Variants in ZNF324B observed in about 807,000 individuals in gnomAD.
ZNF324B encodes the protein zinc finger protein 324B.
ZNF324B carries 7 observed loss-of-function variants against 10.6 expected under a neutral mutation model. The ratio of observed to expected loss-of-function variants is 0.66; its 90% confidence interval spans 0.38 to 1.24. ZNF324B has a LOEUF of 1.24. Among genes scored for constraint, ZNF324B ranks in the 50% most tolerant of loss-of-function variants. The pLI, the probability that ZNF324B is intolerant of heterozygous loss-of-function variation, is 0.02. For missense variants in ZNF324B, 640 were observed against 764.7 expected (o/e 0.84, Z 1.92); for synonymous variants, 316 against 321.0 (o/e 0.98, Z 0.17).
chr19:58,438,281 A>C, the ZNF324B span, among the ~76,000 whole-genome samples: 23 of 152,130 alleles, frequency 1.5e-4, no homozygotes, highest in African/African-American at 5.6e-4. Flanking sequence ...ACACACAAGC[A>C]TCCATCCCTT....
In ZNF324B at chr19:58,455,398, C is replaced by A. The variant is rs755922603; in HGVS notation, c.454C>A (p.Arg152Ser). ...IYWERLLLGS[R>S]SDQASISLRL... The stretch of plus-strand genomic sequence containing the variant: ...CTGGGAGAGGCTCCTGCTAGGCTCG[C>A]GCAGTGACCAGGCCAGCATCAGCCT... Residue 152 changes from arginine to serine, a missense_variant, in exon 4 of 4, where the codon CGC becomes AGC. By Grantham distance (110) the Arg-to-Ser change is moderately radical. Transcript: ENST00000336614. The surrounding 1 kb of genome is among the most constrained non-coding windows in gnomAD (Gnocchi z 7.0). 1 of 1,614,080 alleles carries A rather than the reference C, an allele frequency of 6.2e-7. No individual in the cohort carries two copies. Among genetic ancestry groups the A allele is most frequent in the African/African-American group, 1.3e-5 (1 of 74,942 alleles).
chr19:58,443,087 G>C, the ZNF324B span: 7 of 152,330 alleles, frequency 4.6e-5, no homozygotes, highest in South Asian at 6.2e-4. Context: ...TGATTGGTGA[G>C]TTTACAAACC....
the ZNF324B span, chr19:58,434,722 C>G: frequency 6.2e-7 from 1 of 1,614,190 alleles, no homozygotes; most frequent in Non-Finnish European, 8.5e-7. Flanking sequence ...GGCTTTTCCA[C>G]AGTTGCTGCA....
chr19:58,446,932 GCTTTC>G (rs1333504405), upstream of ZNF324B, among the ~76,000 whole-genome samples: 1 of 148,778 alleles, frequency 6.7e-6, no homozygotes, highest in Admixed American at 6.7e-5. Context: ...CCTTTCCTTT[GCTTTC>G]CTTTCCTTTT....
At chr19:58,454,029 G>A (rs1361219408) in intron 2 of ZNF324B, among the ~76,000 whole-genome samples, 199 bp from the exon 3 acceptor site, 4 of 152,204 alleles carry the variant, frequency 2.6e-5, no homozygotes, top group African/African-American at 7.2e-5. Context: ...GCTCAGTCCC[G>A]TTGCTTTGGT....
At chr19:58,433,429 C>T in the ZNF324B span, 53 of 1,613,894 alleles carry the variant, frequency 3.3e-5, no homozygotes, top group Middle Eastern at 1.6e-4. Context: ...TTTCTGGTGC[C>T]GAACAAGTGT....
the ZNF324B span, among the ~76,000 whole-genome samples, chr19:58,427,343 C>T: frequency 4.3e-5 from 1 of 23,066 alleles, no homozygotes; most frequent in African/African-American, 1.5e-4. Context: ...TTCTTTCTTT[C>T]TCTTTCCTTT....
chr19:58,436,932 G>A, the ZNF324B span: 1 of 1,458,422 alleles, frequency 6.9e-7, no homozygotes, highest in Non-Finnish European at 9.6e-7. Flanking sequence ...ACCTACAACA[G>A]GAAACCCGAG....
the ZNF324B span, chr19:58,444,559 G>T: frequency 6.6e-6 from 1 of 152,190 alleles, no homozygotes; most frequent in African/African-American, 2.4e-5. Flanking sequence ...AGGAGTATGG[G>T]CATAGGTGTC....
chr19:58,456,453 C>T lies in ZNF324B; in HGVS notation c.1509C>T (p.His503=), dbSNP rs762493021. 23 of 1,613,968 alleles carry T rather than the reference C, an allele frequency of 1.4e-5. No individual in the cohort carries two copies. In the Middle Eastern group the frequency reaches 4.9e-4, roughly 35 times the overall value. Residue 503 remains histidine (H), a synonymous_variant, in exon 4 of 4, where the codon CAC becomes CAT. Coordinates refer to ENST00000336614, the MANE Select transcript of ZNF324B (RefSeq NM_207395.3). The surrounding 1 kb of genome is among the most constrained non-coding windows in gnomAD (Gnocchi z 4.7). The stretch of plus-strand genomic sequence containing the variant: ...CCCTCTTGCACCACCAGAGGATCCA[C>T]ACCACAGAGAAGACCAATGCCGCAG... ...RPALLHHQRI[H]TTEKTNAAAP... is the part of the protein sequence containing the mutation.
At chr19:58,449,399 G>A (rs2122331239), upstream of ZNF324B, among the ~76,000 whole-genome samples, 1 of 152,354 alleles carries the variant, frequency 6.6e-6, no homozygotes, top group Middle Eastern at 3.4e-3. Flanking sequence ...CTGGGGTACT[G>A]CCTAGTGGAG....
Position 58,455,658 on chromosome 19 carries a change from G to A in ZNF324B, c.714G>A (p.Gln238=), listed in dbSNP as rs976701381. 6 of 1,613,658 alleles carry A rather than the reference G, an allele frequency of 3.7e-6. No homozygotes were observed. Among genetic ancestry groups the A allele is most frequent in the Non-Finnish European group, 5.1e-6 (6 of 1,179,902 alleles). The change falls in exon 4 of 4, where the codon CAG becomes CAA. Residue 238 remains glutamine (Q), a synonymous_variant. Transcript: ENST00000336614. The surrounding 1 kb of genome is among the most constrained non-coding windows in gnomAD (Gnocchi z 7.0). ...AGCCTCATAGACTCCTCGGTGGCCA[G>A]GAGCCCTCGACCTGGGACGAGCTGG... ...WQEPHRLLGG[Q]EPSTWDELGE...
chr19:58,434,684 G>A, the ZNF324B span: 1 of 1,614,216 alleles, frequency 6.2e-7, no homozygotes, highest in Non-Finnish European at 8.5e-7. Flanking sequence ...GTTCTCAGAT[G>A]GTTGGGGAGA....
chr19:58,434,817 C>G, the ZNF324B span: 1 of 1,614,212 alleles, frequency 6.2e-7, no homozygotes, highest in Non-Finnish European at 8.5e-7. Flanking sequence ...CAGCTTGAAG[C>G]TGGAGGAGGT....
At chr19:58,439,772 A>G in the ZNF324B span, 1 of 1,544,792 alleles carries the variant, frequency 6.5e-7, no homozygotes, top group Non-Finnish European at 8.7e-7. Context: ...CGCCGGGCCC[A>G]TCAGCAACGC....
intron 1 of ZNF324B, chr19:58,453,317 C>T: frequency 3.4e-6 from 1 of 296,466 alleles, no homozygotes; most frequent in South Asian, 3.1e-5. Flanking sequence ...GGGGGGTCCA[C>T]AGCTGGGACT....
At chr19:58,420,294 C>T in the ZNF324B span, among the ~76,000 whole-genome samples, 5 of 152,140 alleles carry the variant, frequency 3.3e-5, no homozygotes, top group Admixed American at 6.6e-5. Context: ...TGACGGGCGC[C>T]TGTAGTCCCA....
At chr19:58,431,611 T>G in the ZNF324B span, among the ~76,000 whole-genome samples, 2 of 152,244 alleles carry the variant, frequency 1.3e-5, no homozygotes, top group South Asian at 4.1e-4. Context: ...AATGCTCTCA[T>G]GAGTACTTCC....
In ZNF324B at chr19:58,456,272, A is replaced by G; in HGVS notation, c.1328A>G (p.His443Arg). 1 of 1,613,086 alleles carries G rather than the reference A, an allele frequency of 6.2e-7. No homozygotes were observed. The highest frequency in any genetic ancestry group is 8.5e-7 in the Non-Finnish European group (1 of 1,179,858). Reference protein sequence around the residue: ...SFSRSSNLTQHQLLHTGERPF... With the variant: ...SFSRSSNLTQRQLLHTGERPF... ...AGCCGCAGCTCCAACCTCACCCAGC[A>G]CCAGCTCCTGCACACGGGCGAGCGG... is the stretch of plus-strand genomic sequence containing the variant. Residue 443 changes from histidine (H) to arginine (R), a missense_variant, in exon 4 of 4, where the codon CAC (histidine) becomes CGC (arginine). By Grantham distance (29) the His-to-Arg change is conservative. Around this residue, in one of 3 missense-constraint regions of ZNF324B, gnomAD observed 238 missense variants for 258.0 expected, o/e 0.92. Coordinates refer to ENST00000336614, the MANE Select transcript of ZNF324B (RefSeq NM_207395.3). This position sits in a 1 kb window ranked among gnomAD's most constrained non-coding sequence, Gnocchi z 4.7.
Sources: allele counts gnomAD v4.1 joint callset (sites outside exome capture counted in the v4.1 genomes callset), GRCh38; gene constraint gnomAD v4.1.1; regional missense constraint gnomAD v4.1.1; non-coding constraint Gnocchi (gnomAD v3.1); transcripts MANE v1.5; gene names NCBI Gene and HGNC (gene_info 2026-07-23, HGNC 2026-07-21).